UBR3: variants seen among roughly 807,000 people sequenced by gnomAD.
UBR3 encodes E3 ubiquitin-protein ligase UBR3.
In UBR3, 85 loss-of-function variants were observed where a neutral mutation model predicts 243.2. That is an observed-to-expected ratio of 0.35 (90% confidence interval 0.29 to 0.42). UBR3 has a LOEUF of 0.42. Ranked by LOEUF, UBR3 falls within the 10% of genes least tolerant of loss-of-function variation. The probability of loss-of-function intolerance (pLI) is 1.00; values close to 1 mark genes in which losing one functional copy is unlikely to be tolerated. For missense variants in UBR3, 1,686 were observed against 2,300.8 expected (o/e 0.73, Z 5.47); for synonymous variants, 748 against 799.8 (o/e 0.94, Z 1.09).
chr2:169,946,509 T>C, intron 21 of UBR3, 117 bp downstream of exon 21: 1 of 435,024 alleles, frequency 2.3e-6, no homozygotes, highest in Non-Finnish European at 4.1e-6. Flanking sequence ...CTTAGGAAAA[T>C]GTATTTGTGA....
intron 24 of UBR3, among the ~76,000 whole-genome samples, chr2:169,978,451 T>C (rs1471846257): frequency 6.6e-6 from 1 of 152,100 alleles, no homozygotes; most frequent in Non-Finnish European, 1.5e-5. Context: ...TTGGGTTGTT[T>C]ACCCCGGGGG....
chr2:169,964,811 T>G (rs2087733881), intron 24 of UBR3: 1 of 454,670 alleles, frequency 2.2e-6, no homozygotes, highest in Non-Finnish European at 4.4e-6. Flanking sequence ...TTTTGGAAGG[T>G]TTGACCTCTT....
rs963916795 is a variant in UBR3, at chr2:170,082,136, C to T, written c.*293C>T. 1.7e-5 allele frequency: 4 copies of T among 242,306 alleles called. No homozygotes were observed. Among genetic ancestry groups the T allele is most frequent in the African/African-American group, 6.7e-5 (3 of 44,748 alleles). The allele number at this position is 242,306 out of a possible 1,614,324, so 15.0% of individuals were successfully genotyped here. A position where few individuals can be genotyped will look rare whatever the true frequency, so the allele number is the denominator to read the frequency against. ...TTCACAAACTCATTCAGAAATGATT[C>T]TCCCAACAATGCGTATCAGCTATTC... is the stretch of plus-strand genomic sequence containing the variant. On this transcript the variant is annotated 3_prime_UTR_variant, in exon 39 of 39. Transcript: ENST00000272793.
At chr2:170,077,301 C>T (rs1208195385) in intron 36 of UBR3, 3 of 759,414 alleles carry the variant, frequency 4.0e-6, no homozygotes, top group African/African-American at 1.7e-5. Flanking sequence ...CCCCAAATAA[C>T]CTTGCCTCCT....
Position 170,001,443 on chromosome 2 carries a change from G to C in UBR3, c.4029+29G>C, listed in dbSNP as rs564681518. 3.6e-6 allele frequency: 5 copies of C among 1,371,858 alleles called. No individual in the cohort carries two copies. In the African/African-American group the frequency reaches 5.7e-5, roughly 16 times the overall value. 85.0% of individuals were successfully genotyped at this position (1,371,858 alleles called of 1,614,324 possible). On this transcript the variant is annotated intron_variant, in intron 27 of 38. Transcript: ENST00000272793. ...AGTTGATTGCAAAAATTTTTTAAAG[G>C]TGCATGTATCTTTCCAGGTATTAAA... is the stretch of plus-strand genomic sequence containing the variant.
intron 31 of UBR3, among the ~76,000 whole-genome samples, chr2:170,032,970 A>T (rs2090720008): frequency 6.6e-6 from 1 of 152,058 alleles, no homozygotes. Flanking sequence ...TTATAAACTA[A>T]ATTAGCAAAC....
rs147859194 is a variant in UBR3 at position 169,894,394 on chromosome 2, A to G, written c.1106-787A>G. Among the ~76,000 whole-genome samples the G allele has an allele frequency of 6.0e-4, 91 of 151,370 alleles. 1 individual carries two copies. Among genetic ancestry groups the G allele is most frequent in the African/African-American group, 2.1e-3 (87 of 41,310 alleles). Reference sequence around the variant, plus strand: ...TACTTGTCTTTGTATGTTAACCACTACTATATATCACTTATGTCACCACTG... The same window carrying G: ...TACTTGTCTTTGTATGTTAACCACTGCTATATATCACTTATGTCACCACTG... On this transcript the variant is annotated intron_variant, in intron 6 of 38. Coordinates refer to ENST00000272793, the MANE Select transcript of UBR3 (RefSeq NM_172070.4).
At chr2:170,079,062 T>G (rs1011267481) in intron 36 of UBR3, among the ~76,000 whole-genome samples, 12 of 152,232 alleles carry the variant, frequency 7.9e-5, no homozygotes, top group African/African-American at 2.9e-4. Context: ...AAATTGACTA[T>G]TACTTACAGT....
chr2:170,058,154 A>T (rs2091378004), intron 33 of UBR3, among the ~76,000 whole-genome samples: 1 of 151,568 alleles, frequency 6.6e-6, no homozygotes, highest in Admixed American at 6.6e-5. Flanking sequence ...TTATTTTTTC[A>T]CTTCCTTCTT....
At chr2:169,916,081 G>A (rs980597769) in intron 11 of UBR3, among the ~76,000 whole-genome samples, 1 of 152,056 alleles carries the variant, frequency 6.6e-6, no homozygotes, top group African/African-American at 2.4e-5. Context: ...AAAAATCTAG[G>A]TGCTGCTTGT....
At chr2:170,067,016 T>A (rs1205815554) in intron 35 of UBR3, among the ~76,000 whole-genome samples, 1 of 99,628 alleles carries the variant, frequency 1.0e-5, no homozygotes, top group African/African-American at 2.9e-5. Context: ...AACTGAGAGG[T>A]AGCTATTATC....
chr2:169,857,070 T>TTTTTTTTG (rs2082906988), intron 1 of UBR3, among the ~76,000 whole-genome samples: 1 of 89,222 alleles, frequency 1.1e-5, no homozygotes, highest in Non-Finnish European at 2.2e-5. Flanking sequence ...TTATGTTTTT[T>TTTTTTTTG]TTTTTTTTTT....
At chr2:169,964,222 T>C (rs892439256) in intron 24 of UBR3, among the ~76,000 whole-genome samples, 1 of 152,182 alleles carries the variant, frequency 6.6e-6, no homozygotes, top group African/African-American at 2.4e-5. Flanking sequence ...AGTCAAAGTT[T>C]TGTGCTCTGA....
intron 1 of UBR3, among the ~76,000 whole-genome samples, chr2:169,849,369 A>C (rs1435838073): frequency 6.6e-6 from 1 of 152,196 alleles, no homozygotes; most frequent in Non-Finnish European, 1.5e-5. Context: ...GGCTCACACA[A>C]CCTCTTCTGG....
At chr2:169,864,652 C>T (rs2083193186) in intron 1 of UBR3, among the ~76,000 whole-genome samples, 1 of 151,806 alleles carries the variant, frequency 6.6e-6, no homozygotes, top group African/African-American at 2.4e-5. Context: ...ACCTGTAATC[C>T]CAGCACTTTG....
chr2:170,002,000 G>A (rs1410867140), intron 27 of UBR3, among the ~76,000 whole-genome samples: 1 of 145,900 alleles, frequency 6.9e-6, no homozygotes, highest in Non-Finnish European at 1.5e-5. Flanking sequence ...TTTAGACTTT[G>A]CTACTCTCTC....
At chr2:170,081,313 A>G (rs1415022928) in intron 38 of UBR3, among the ~76,000 whole-genome samples, 1 of 152,198 alleles carries the variant, frequency 6.6e-6, no homozygotes, top group Non-Finnish European at 1.5e-5. Flanking sequence ...AGGCTGGCCA[A>G]TATGGTGAAA....
intron 17 of UBR3, 151 bp downstream of exon 17, chr2:169,927,556 G>T: frequency 5.5e-6 from 3 of 546,158 alleles, no homozygotes; most frequent in Non-Finnish European, 9.1e-6. Context: ...GCTCAAGTAT[G>T]TATTCAAGCC....
chr2:170,027,231 C>G (rs2090552537), intron 30 of UBR3, among the ~76,000 whole-genome samples: 1 of 150,938 alleles, frequency 6.6e-6, no homozygotes, highest in South Asian at 2.1e-4. Flanking sequence ...GTATGTAAGC[C>G]CAACTTACAT....
Sources: gnomAD v4.1 joint callset for allele counts (sites outside exome capture counted in the v4.1 genomes callset) on GRCh38, gnomAD v4.1.1 for gene constraint, MANE v1.5 for transcripts, NCBI Gene and HGNC (gene_info 2026-07-23, HGNC 2026-07-21) for gene names.